Variants in ABCB4 observed in about 807,000 individuals in gnomAD.
ABCB4 encodes the protein ATP binding cassette subfamily B member 4.
In ABCB4, 76 loss-of-function variants were observed where a neutral mutation model predicts 145.7. The observed-to-expected ratio is 0.52, with a 90% CI of 0.43 to 0.63. The LOEUF (loss-of-function observed/expected upper bound fraction) is 0.63, where lower values mean the gene tolerates loss of function less well. Ranked by LOEUF, ABCB4 falls within the 30% of genes least tolerant of loss-of-function variation. ABCB4 has a pLI of 0.00. For missense variants in ABCB4, 1,234 were observed against 1,553.1 expected, an observed-to-expected ratio of 0.79 and a Z score of 3.45; for synonymous variants, 517 against 566.8, an observed-to-expected ratio of 0.91 and a Z score of 1.25.
Position 87,452,944 on chromosome 7 carries a change from T to C in ABCB4, c.536A>G (p.Asp179Gly), listed in dbSNP as rs1374056917. 6.2e-7 allele frequency: 1 copy of C among 1,612,926 alleles called. No homozygotes were observed. The highest frequency in any genetic ancestry group is 2.2e-5 in the East Asian group (1 of 44,876). Residue 179 changes from aspartate (D) to glycine (G), a missense_variant and splice_region_variant, in exon 6 of 28, where the codon GAT (aspartate) becomes GGT (glycine). This residue lies in a region of ABCB4 where 467 missense variants were observed against 632.8 expected (regional missense o/e 0.74). Coordinates refer to ENST00000649586, the MANE Select transcript of ABCB4 (RefSeq NM_000443.4). ...AGTGTGACATTAACAATGTACCTAC[T>C]CTGTTAGCCGCGTATTGAGTTCAGT... is the stretch of plus-strand genomic sequence containing the variant. ...DTTELNTRLT[D>G]DISKISEGIG...
intron 4 of ABCB4, among the ~76,000 whole-genome samples, chr7:87,460,706 A>G (rs1812400610): frequency 6.6e-6 from 1 of 151,924 alleles, no homozygotes; most frequent in African/African-American, 2.4e-5. Flanking sequence ...GCTGGAGTGC[A>G]GTGGCACCAT....
chr7:87,445,017 G>T lies in ABCB4; in HGVS notation c.1006-42C>A, dbSNP rs759909840. On this transcript the variant is annotated intron_variant, in intron 9 of 27. Coordinates refer to ENST00000649586, the MANE Select transcript of ABCB4 (RefSeq NM_000443.4). Reference sequence around the variant, plus strand: ...GAGGAAAAGTTTAAGTCACATTCTGGCATTCATTATTATCTAAAATGTGAT... The same window carrying T: ...GAGGAAAAGTTTAAGTCACATTCTGTCATTCATTATTATCTAAAATGTGAT... The T allele has an allele frequency of 3.8e-6, 5 of 1,300,190 alleles. No homozygotes were observed. The South Asian group carries it at 4.9e-5, about 13-fold the overall frequency. 80.5% of individuals were successfully genotyped at this position (1,300,190 alleles called of 1,614,324 possible).
At chr7:87,392,443 G>C in the ABCB4 span, 2 of 728,556 alleles carry the variant, frequency 2.7e-6, no homozygotes, top group Non-Finnish European at 4.8e-6. Context: ...ATGTGTTATA[G>C]ATCTTCCTAG....
At chr7:87,415,596 AGG>A in intron 21 of ABCB4, among the ~76,000 whole-genome samples, 1 of 152,330 alleles carries the variant, frequency 6.6e-6, no homozygotes, top group African/African-American at 2.4e-5. Context: ...TTAGAATAAC[AGG>A]GTTTTAGCTG....
chr7:87,417,243 T>A, intron 21 of ABCB4, 69 bp downstream of exon 21: 1 of 1,436,080 alleles, frequency 7.0e-7, no homozygotes, highest in Non-Finnish European at 9.8e-7. Context: ...CATATCATGA[T>A]AAATAATTCA....
the ABCB4 span, among the ~76,000 whole-genome samples, chr7:87,389,786 C>T: frequency 1.3e-5 from 2 of 150,962 alleles, no homozygotes; most frequent in African/African-American, 4.9e-5. Flanking sequence ...AAAAATTCTG[C>T]AAAGCCTTCA....
intron 3 of ABCB4, among the ~76,000 whole-genome samples, chr7:87,467,317 T>C (rs1241369648): frequency 2.0e-5 from 3 of 152,204 alleles, no homozygotes; most frequent in African/African-American, 7.2e-5. Context: ...CATTACATAA[T>C]GGTAAACGGA....
rs748220777 is a variant in ABCB4 at position 87,409,286 on chromosome 7, A to T, written c.3031T>A (p.Phe1011Ile). 9.3e-6 allele frequency: 15 copies of T among 1,614,152 alleles called. No individual in the cohort carries two copies. Among genetic ancestry groups the T allele is most frequent in the Non-Finnish European group, 1.3e-5 (15 of 1,180,000 alleles). Residue 1011 changes from phenylalanine (F) to isoleucine (I), a missense_variant, in exon 24 of 28, where the codon TTT (phenylalanine) becomes ATT (isoleucine). Physicochemically the swap from Phe to Ile is conservative, Grantham distance 21. Coordinates refer to ENST00000649586, the MANE Select transcript of ABCB4 (RefSeq NM_000443.4). ...KLSAAHLFML[F>I]ERQPLIDSYS... is the part of the protein sequence containing the mutation. ...CTGTCAATCAGAGGTTGTCTTTCAAACAGCATGAATAAGTGGGCTGCAGAC... is the reference window on the plus strand; with the variant it reads ...CTGTCAATCAGAGGTTGTCTTTCAATCAGCATGAATAAGTGGGCTGCAGAC...
chr7:87,436,308 G>C (rs1810604792), intron 14 of ABCB4, among the ~76,000 whole-genome samples: 1 of 150,458 alleles, frequency 6.6e-6, no homozygotes, highest in Non-Finnish European at 1.5e-5. Flanking sequence ...GAGCCTAGTG[G>C]ACACTTTCAG....
downstream of ABCB4, chr7:87,399,439 T>C (rs1427840227): frequency 6.6e-6 from 1 of 152,104 alleles, no homozygotes; most frequent in Admixed American, 6.5e-5. Flanking sequence ...TGTGCCCTTA[T>C]GCTATAGCCT....
chr7:87,452,870 A>C (rs1811840562), intron 6 of ABCB4, 74 bp downstream of exon 6: 2 of 1,521,040 alleles, frequency 1.3e-6, no homozygotes, highest in South Asian at 2.3e-5. Context: ...TTTTTCATTT[A>C]AAATCTTTCC....
intron 14 of ABCB4, among the ~76,000 whole-genome samples, chr7:87,434,493 T>C (rs369054430): frequency 6.6e-6 from 1 of 152,106 alleles, no homozygotes; most frequent in African/African-American, 2.4e-5. Context: ...CTCACACCTG[T>C]AATCCCAGAA....
chr7:87,426,917 A>T lies in ABCB4; in HGVS notation c.1897T>A (p.Ser633Thr). The stretch of plus-strand genomic sequence containing the variant: ...TCTTCTGACTGGATCTGGCTTCCTG[A>T]TGTCTGAAAGAATATCAAGACATTA... Reference protein sequence around the residue: ...VYFKLVNMQTSGSQIQSEEFE... With the variant: ...VYFKLVNMQTTGSQIQSEEFE... Residue 633 changes from serine to threonine, a missense_variant, in exon 16 of 28, where the codon TCA (serine) becomes ACA (threonine). Transcript: ENST00000649586. The T allele has an allele frequency of 6.2e-7, 1 of 1,610,144 alleles. No individual in the cohort carries two copies. The highest frequency in any genetic ancestry group is 1.1e-5 in the South Asian group (1 of 90,960).
intron 23 of ABCB4, 87 bp downstream of exon 23, chr7:87,411,806 G>C (rs1334830111): frequency 1.6e-6 from 2 of 1,262,434 alleles, no homozygotes; most frequent in African/African-American, 1.5e-5. Context: ...TTGGACACAG[G>C]AGTCATTTTT....
chr7:87,389,640 G>A, the ABCB4 span, among the ~76,000 whole-genome samples: 17 of 151,986 alleles, frequency 1.1e-4, no homozygotes, highest in Non-Finnish European at 8.8e-5. Context: ...GGGGCTAGGG[G>A]AGGGATAGCA....
chr7:87,450,146 C>G, intron 7 of ABCB4, 54 bp from the exon 8 acceptor site: 1 of 1,607,410 alleles, frequency 6.2e-7, no homozygotes, highest in East Asian at 2.2e-5. Flanking sequence ...AGTTTAAAGG[C>G]ACTCTGGTCA....
the ABCB4 span, chr7:87,369,388 G>A: frequency 7.0e-5 from 112 of 1,609,160 alleles, no homozygotes; most frequent in South Asian, 1.3e-4. Flanking sequence ...AGTGAAGGGC[G>A]TTCCCCAAAC....
At chr7:87,422,095 G>A in intron 18 of ABCB4, 26 bp downstream of exon 18, 1 of 1,484,676 alleles carries the variant, frequency 6.7e-7, no homozygotes, top group South Asian at 1.2e-5. Flanking sequence ...TAAACTTGAT[G>A]AGAAAGGCAA....
rs756070393 is a variant in ABCB4 at position 87,449,996 on chromosome 7, A to G, written c.805T>C (p.Phe269Leu). Residue 269 changes from phenylalanine (F) to leucine (L), a missense_variant, in exon 8 of 28, where the codon TTC (phenylalanine) becomes CTC (leucine). By Grantham distance (22) the Phe-to-Leu change is conservative. Coordinates refer to ENST00000649586, the MANE Select transcript of ABCB4 (RefSeq NM_000443.4). ...TCCAGCTCTTTGTTCTGGCCCCCGA[A>G]AGCTATCACAGTCCTGATGGCCCCC... is the stretch of plus-strand genomic sequence containing the variant. ...ALGAIRTVIA[F>L]GGQNKELERY... 1 of 1,614,194 alleles carries G rather than the reference A, an allele frequency of 6.2e-7. No individual in the cohort carries two copies. The highest frequency in any genetic ancestry group is 8.5e-7 in the Non-Finnish European group (1 of 1,180,018).
Sources: gnomAD v4.1 joint callset for allele counts (sites outside exome capture counted in the v4.1 genomes callset) on GRCh38, gnomAD v4.1.1 for gene constraint, gnomAD v4.1.1 regional missense constraint, MANE v1.5 for transcripts, NCBI Gene and HGNC (gene_info 2026-07-23, HGNC 2026-07-21) for gene names.